The following VEPH1 variants were observed in gnomAD, a reference collection of about 807,000 sequenced individuals.
VEPH1 encodes the protein ventricular zone-expressed PH domain-containing protein homolog 1.
VEPH1 carries 80 observed loss-of-function variants against 85.2 expected under a neutral mutation model. That is an observed-to-expected ratio of 0.94 (90% confidence interval 0.78 to 1.13). The LOEUF is 1.13. Among genes scored for constraint, VEPH1 ranks in the 50% most tolerant of loss-of-function variants. The pLI, the probability that VEPH1 is intolerant of heterozygous loss-of-function variation, is 0.00. For missense variants in VEPH1, 955 were observed against 980.5 expected (o/e 0.97, Z 0.35); for synonymous variants, 297 against 348.0 (o/e 0.85, Z 1.63).
rs145410501 is a variant in VEPH1, at chr3:157,310,726, T to C, written c.2010+2895A>G. 1.3e-3 allele frequency among the ~76,000 whole-genome samples: 191 copies of C among 152,242 alleles called. 1 individual carries two copies. Among genetic ancestry groups the C allele is most frequent in the African/African-American group, 4.2e-3 (175 of 41,530 alleles). On this transcript the variant is annotated intron_variant, in intron 11 of 13. Transcript: ENST00000362010. ...ATCTTCTGGCAACTCAATTTCAACT[T>C]TTGCTCCTACAATCATCATCATCAT... is the stretch of plus-strand genomic sequence containing the variant.
chr3:157,438,054 CA>C, intron 4 of VEPH1: 1 of 742,444 alleles, frequency 1.3e-6, no homozygotes, highest in Non-Finnish European at 2.1e-6. Context: ...CACACACACA[CA>C]CACACACACA....
intron 12 of VEPH1, among the ~76,000 whole-genome samples, chr3:157,273,262 G>T (rs1228670769): frequency 6.6e-6 from 1 of 152,150 alleles, no homozygotes; most frequent in East Asian, 1.9e-4. Flanking sequence ...CATGCACTAG[G>T]CACATGCCAG....
At chr3:157,435,762 T>C (rs1733523646) in intron 4 of VEPH1, among the ~76,000 whole-genome samples, 1 of 152,244 alleles carries the variant, frequency 6.6e-6, no homozygotes, top group Non-Finnish European at 1.5e-5. Flanking sequence ...TTTTAAGTTT[T>C]TATTAATATC....
intron 1 of VEPH1, chr3:157,499,682 C>G (rs1739951622): frequency 6.6e-6 from 1 of 152,064 alleles, no homozygotes; most frequent in South Asian, 2.1e-4. Flanking sequence ...AAGCCTGCTC[C>G]AGTAAAGGAG....
intron 7 of VEPH1, among the ~76,000 whole-genome samples, chr3:157,375,390 G>T (rs79386026): frequency 0.039 from 5,999 of 152,288 alleles, 182 homozygotes; most frequent in South Asian, 0.11. Context: ...GTAGAGTTAG[G>T]TTCTGATGTG....
At chr3:157,335,840 T>C (rs1722916014) in intron 9 of VEPH1, among the ~76,000 whole-genome samples, 1 of 152,206 alleles carries the variant, frequency 6.6e-6, no homozygotes, top group African/African-American at 2.4e-5. Context: ...TTTGCATCTG[T>C]TACAATCAAG....
chr3:157,301,315 A>T (rs1718775267), intron 11 of VEPH1, among the ~76,000 whole-genome samples: 1 of 152,166 alleles, frequency 6.6e-6, no homozygotes, highest in African/African-American at 2.4e-5. Context: ...TTATAAAGAG[A>T]AACTCAGCAC....
chr3:157,491,327 G>T (rs1739194197), intron 2 of VEPH1, among the ~76,000 whole-genome samples: 1 of 152,144 alleles, frequency 6.6e-6, no homozygotes, highest in Non-Finnish European at 1.5e-5. Flanking sequence ...AAAGGTGGGA[G>T]AAGTGGATGA....
At chr3:157,275,733 T>C (rs1715308799) in intron 12 of VEPH1, among the ~76,000 whole-genome samples, 1 of 152,202 alleles carries the variant, frequency 6.6e-6, no homozygotes. Flanking sequence ...TATGTCATTT[T>C]TTCCCCCTTG....
intron 6 of VEPH1, among the ~76,000 whole-genome samples, chr3:157,383,588 C>T (rs956495534): frequency 6.6e-6 from 1 of 152,156 alleles, no homozygotes; most frequent in African/African-American, 2.4e-5. Context: ...ATTCCATGTA[C>T]AGTTGCACTG....
intron 5 of VEPH1, chr3:157,415,403 G>C (rs1452530489): frequency 1.3e-5 from 2 of 152,134 alleles, no homozygotes; most frequent in East Asian, 3.9e-4. Flanking sequence ...GGAAAATGTA[G>C]GGCTCTGTGA....
Position 157,302,923 on chromosome 3 carries a change from A to AT in VEPH1, c.2010+10697dup, listed in dbSNP as rs1553760868. Among the ~76,000 whole-genome samples, 25 of 151,806 alleles carry AT rather than the reference A, an allele frequency of 1.6e-4. 2 individuals carry two copies. In the South Asian group the frequency reaches 5.0e-3, roughly 30 times the overall value. ...TCCACTGTGATACAGGAGGAAGAAA[A>AT]TATAACTTTCATTTCTATTTATTTT... is the stretch of plus-strand genomic sequence containing the variant. On this transcript the variant is annotated intron_variant, in intron 11 of 13. Transcript: ENST00000362010.
intron 11 of VEPH1, among the ~76,000 whole-genome samples, chr3:157,294,865 G>T (rs1717933900): frequency 6.6e-6 from 1 of 152,134 alleles, no homozygotes. Flanking sequence ...TATTTTCCCA[G>T]AGGTATGTTT....
chr3:157,437,825 C>G, intron 4 of VEPH1: 1 of 1,467,222 alleles, frequency 6.8e-7, no homozygotes, highest in Non-Finnish European at 8.9e-7. Flanking sequence ...GCGGGGCGCG[C>G]CCTGGCCGCG....
At chr3:157,489,759 TAC>T (rs1739052364) in intron 2 of VEPH1, among the ~76,000 whole-genome samples, 1 of 151,934 alleles carries the variant, frequency 6.6e-6, no homozygotes, top group South Asian at 2.1e-4. Context: ...TAGCATCCAG[TAC>T]AGTGTCTGAA....
intron 11 of VEPH1, among the ~76,000 whole-genome samples, chr3:157,303,462 T>C (rs1577288864): frequency 6.6e-6 from 1 of 152,216 alleles, no homozygotes; most frequent in Non-Finnish European, 1.5e-5. Context: ...ATATTTACCA[T>C]GATTTTGCTG....
chr3:157,450,884 G>A (rs1734918568), intron 4 of VEPH1, among the ~76,000 whole-genome samples: 1 of 152,096 alleles, frequency 6.6e-6, no homozygotes, highest in Non-Finnish European at 1.5e-5. Context: ...GAATTACATA[G>A]GTTAAAAGGC....
In VEPH1 at chr3:157,359,640, C is replaced by G. The variant is rs186016325; in HGVS notation, c.1735+3724G>C. On this transcript the variant is annotated intron_variant, in intron 9 of 13. Transcript: ENST00000362010. ...ATCAATATTATGCAACAATAGATGG[C>G]TGACTGGAGTTATGAATGCTATTTG... 5.0e-3 allele frequency among the ~76,000 whole-genome samples: 767 copies of G among 152,240 alleles called. 3 individuals carry two copies. The highest frequency in any genetic ancestry group is 7.6e-3 in the Non-Finnish European group (514 of 68,008).
intron 9 of VEPH1, among the ~76,000 whole-genome samples, chr3:157,332,674 G>T (rs1221856709): frequency 6.6e-6 from 1 of 151,900 alleles, no homozygotes; most frequent in Non-Finnish European, 1.5e-5. Flanking sequence ...TCTACCTTTT[G>T]GTCATTGTGA....
Sources: gnomAD v4.1 joint callset for allele counts (sites outside exome capture counted in the v4.1 genomes callset) on GRCh38, gnomAD v4.1.1 for gene constraint, MANE v1.5 for transcripts, NCBI Gene and HGNC (gene_info 2026-07-23, HGNC 2026-07-21) for gene names.